Variants in D2HGDH observed in about 807,000 individuals in gnomAD.
D2HGDH encodes D-2-hydroxyglutarate dehydrogenase.
A neutral mutation model predicts 46.9 loss-of-function variants in D2HGDH; 31 were observed. That is an observed-to-expected ratio of 0.66 (90% CI 0.50 to 0.89). The LOEUF is 0.89. Among genes scored for constraint, D2HGDH ranks in the 40% least tolerant of loss-of-function variants. The pLI, the probability that D2HGDH is intolerant of heterozygous loss-of-function variation, is 0.00. For missense variants in D2HGDH, 698 were observed against 720.8 expected (o/e 0.97, Z 0.36); for synonymous variants, 364 against 332.6 (o/e 1.09, Z -1.03).
rs1179729112 is a variant in D2HGDH, at chr2:241,768,757, G to C, written c.*788G>C. 2 of 152,204 alleles carry C rather than the reference G, an allele frequency of 1.3e-5. No homozygotes were observed. Among genetic ancestry groups the C allele is most frequent in the Non-Finnish European group, 2.9e-5 (2 of 68,048 alleles). 9.4% of individuals were successfully genotyped at this position (152,204 alleles called of 1,614,324 possible). ...AGCGGATGGGCTGGGCGATGCAGCTGGATGCACATCTCATTCTGTCATGAA... is the reference window on the plus strand; with the variant it reads ...AGCGGATGGGCTGGGCGATGCAGCTCGATGCACATCTCATTCTGTCATGAA... On this transcript the variant is annotated 3_prime_UTR_variant, in exon 10 of 10. Transcript: ENST00000321264.
At chr2:241,763,363 T>C (rs1448987791) in intron 9 of D2HGDH, among the ~76,000 whole-genome samples, 5 of 152,212 alleles carry the variant, frequency 3.3e-5, no homozygotes, top group Non-Finnish European at 7.3e-5. Flanking sequence ...ATGCTGAGTA[T>C]GTGCCTGAAC....
rs570774502 is a variant in D2HGDH, at chr2:241,763,115, C to T, written c.1307-4595C>T. Among the ~76,000 whole-genome samples the T allele has an allele frequency of 4.2e-4, 64 of 152,314 alleles. No homozygotes were observed. The South Asian group carries it at 0.012, about 30-fold the overall frequency. On this transcript the variant is annotated intron_variant, in intron 9 of 9. Coordinates refer to ENST00000321264, the MANE Select transcript of D2HGDH (RefSeq NM_152783.5). ...TCTCAGCCTTTGGGACCCGAGGCAG[C>T]GTGAGTTCCGGGTGCAGGCCGCCGT...
Position 241,743,770 on chromosome 2 carries a change from T to C in D2HGDH, c.639T>C (p.Phe213=), listed in dbSNP as rs1290997803. ...NVATNAGGLR[F]LRYGSLHGTV... is the part of the protein sequence containing the mutation. ...CAACCAACGCTGGAGGCCTGCGGTT[T>C]CTTCGATATGGCTCACTGCATGGGA... is the stretch of plus-strand genomic sequence containing the variant. Residue 213 remains phenylalanine, a synonymous_variant, in exon 5 of 10, where the codon TTT becomes TTC. Transcript: ENST00000321264. This position sits in a 1 kb window ranked among gnomAD's most constrained non-coding sequence, Gnocchi z 4.8. 1 of 1,610,398 alleles carries C rather than the reference T, an allele frequency of 6.2e-7. No individual in the cohort carries two copies. The highest frequency in any genetic ancestry group is 8.5e-7 in the Non-Finnish European group (1 of 1,178,592).
intron 9 of D2HGDH, among the ~76,000 whole-genome samples, chr2:241,757,305 G>A (rs1698281105): frequency 6.6e-6 from 1 of 152,148 alleles, no homozygotes; most frequent in South Asian, 2.1e-4. Context: ...TGATAGGAAG[G>A]CAGGACTCCT....
intron 6 of D2HGDH, chr2:241,749,178 C>T (rs950382793): frequency 1.8e-5 from 15 of 850,108 alleles, no homozygotes; most frequent in South Asian, 5.5e-5. Context: ...CAGTCCCCAC[C>T]GCCAGACCCT....
chr2:241,749,565 G>A, intron 6 of D2HGDH: 1 of 347,718 alleles, frequency 2.9e-6, no homozygotes, highest in East Asian at 8.2e-5. Flanking sequence ...TGTTGGATGA[G>A]GTCCTGAGTG....
At position 241,745,467 on chromosome 2, in the gene D2HGDH, A is replaced by T. The variant is rs1401274665; in HGVS notation, c.853+590A>T. The stretch of plus-strand genomic sequence containing the variant: ...GAGTTCAGAAGTCGCACAGCCCGGC[A>T]GTCTTCGCGCGGGAGGTGGCGGGTC... On this transcript the variant is annotated intron_variant, in intron 6 of 9. Coordinates refer to ENST00000321264, the MANE Select transcript of D2HGDH (RefSeq NM_152783.5). Among the ~76,000 whole-genome samples the T allele has an allele frequency of 2.0e-5, 3 of 152,190 alleles. No homozygotes were observed. The East Asian group carries it at 5.8e-4, about 29-fold the overall frequency.
At chr2:241,737,699 TGA>T (rs1693311860) in intron 2 of D2HGDH, among the ~76,000 whole-genome samples, 1 of 152,176 alleles carries the variant, frequency 6.6e-6, no homozygotes, top group Admixed American at 6.5e-5. Flanking sequence ...AAGACCAGCC[TGA>T]GCAACATGGT....
At chr2:241,765,137 T>A (rs1263053936) in intron 9 of D2HGDH, among the ~76,000 whole-genome samples, 2 of 152,188 alleles carry the variant, frequency 1.3e-5, no homozygotes, top group African/African-American at 4.8e-5. Context: ...TGGGCGCCAC[T>A]GCGGACCCCT....
In D2HGDH at chr2:241,744,700, T is replaced by C. The variant is rs4234097; in HGVS notation, c.685-9T>C. The C allele has an allele frequency of 0.47, 756,508 of 1,613,924 alleles. 182,790 individuals are homozygous for C. Among genetic ancestry groups the C allele is most frequent in the African/African-American group, 0.8 (59,710 of 74,984 alleles). ...GCAGGTGGGTGAACGTGCTTCTCTT[T>C]GCCCCAAGGTGCTGGCCGACGGCAC... On this transcript the variant is annotated splice_polypyrimidine_tract_variant and intron_variant, in intron 5 of 9. Transcript: ENST00000321264.
chr2:241,738,776 G>T (rs546459693), intron 2 of D2HGDH, among the ~76,000 whole-genome samples: 3 of 152,364 alleles, frequency 2.0e-5, no homozygotes, highest in African/African-American at 7.2e-5. Flanking sequence ...GCGTCCTGCT[G>T]CCCCGAGTTT....
At chr2:241,748,560 A>G (rs1054827225) in intron 6 of D2HGDH, among the ~76,000 whole-genome samples, 1 of 152,160 alleles carries the variant, frequency 6.6e-6, no homozygotes, top group African/African-American at 2.4e-5. Context: ...TGCCCGCTTC[A>G]CTGGTGCCCC....
At position 241,743,310 on chromosome 2, in the gene D2HGDH, C is replaced by A. The variant is rs1359306369; in HGVS notation, c.491-312C>A. Among the ~76,000 whole-genome samples the A allele has an allele frequency of 6.6e-6, 1 of 152,252 alleles. No homozygotes were observed. Among genetic ancestry groups the A allele is most frequent in the African/African-American group, 2.4e-5 (1 of 41,464 alleles). Reference sequence around the variant, plus strand: ...CAGGCATTGTCCCACATGCCCAGGGCAGGATCAGCCCCAGCTGAGAATCTT... The same window carrying A: ...CAGGCATTGTCCCACATGCCCAGGGAAGGATCAGCCCCAGCTGAGAATCTT... On this transcript the variant is annotated intron_variant, in intron 4 of 9. Transcript: ENST00000321264. This position sits in a 1 kb window ranked among gnomAD's most constrained non-coding sequence, Gnocchi z 4.8.
chr2:241,751,008 T>G (rs1697090162), intron 7 of D2HGDH, among the ~76,000 whole-genome samples: 1 of 152,196 alleles, frequency 6.6e-6, no homozygotes, highest in South Asian at 2.1e-4. Context: ...TCCACCCACC[T>G]CAGCCTCCCA....
In D2HGDH at chr2:241,735,443, C is replaced by G. The variant is rs768117897; in HGVS notation, c.219C>G (p.Ile73Met). 3 of 1,609,700 alleles carry G rather than the reference C, an allele frequency of 1.9e-6. No homozygotes were observed. The highest frequency in any genetic ancestry group is 1.1e-5 in the South Asian group (1 of 90,918). Reference sequence around the variant, plus strand: ...AGGACCTGGCCGCCTTTGAGCGCATCGTGCCCGGCGGGGTCGTCACGGACC... The same window carrying G: ...AGGACCTGGCCGCCTTTGAGCGCATGGTGCCCGGCGGGGTCGTCACGGACC... ...SKQDLAAFER[I>M]VPGGVVTDPE... The change falls in exon 2 of 10, where the codon ATC (isoleucine) becomes ATG (methionine). Residue 73 changes from isoleucine to methionine, a missense_variant. By Grantham distance (10) the Ile-to-Met change is conservative (BLOSUM62 1). Transcript: ENST00000321264.
chr2:241,759,280 T>C (rs1391175546), intron 9 of D2HGDH, among the ~76,000 whole-genome samples: 1 of 152,184 alleles, frequency 6.6e-6, no homozygotes, highest in East Asian at 1.9e-4. Flanking sequence ...GTGTTAGAAA[T>C]CTGCTGACAA....
intron 3 of D2HGDH, among the ~76,000 whole-genome samples, chr2:241,741,350 A>G (rs889476062): frequency 7.2e-5 from 11 of 152,156 alleles, no homozygotes; most frequent in African/African-American, 2.7e-4. Context: ...CCATGAACAC[A>G]CTACAGGGTG....
intron 9 of D2HGDH, among the ~76,000 whole-genome samples, chr2:241,757,766 C>T (rs185048891): frequency 3.9e-4 from 60 of 152,044 alleles, no homozygotes; most frequent in Admixed American, 1.5e-3. Context: ...GACACCAGCC[C>T]GGCCAACATG....
In D2HGDH at chr2:241,759,978, G is replaced by A. The variant is rs149381684; in HGVS notation, c.1306+3964G>A. Among the ~76,000 whole-genome samples, 419 of 152,360 alleles carry A rather than the reference G, an allele frequency of 2.8e-3. 18 individuals are homozygous for A. The East Asian group carries it at 0.064, about 23-fold the overall frequency. On this transcript the variant is annotated intron_variant, in intron 9 of 9. Transcript: ENST00000321264. ...GTGATTAACATTTAAATCAGTAGACGTTGAGTACAGGAGATCTCCCACCAC... is the reference window on the plus strand; with the variant it reads ...GTGATTAACATTTAAATCAGTAGACATTGAGTACAGGAGATCTCCCACCAC...
Sources: allele counts gnomAD v4.1 joint callset (sites outside exome capture counted in the v4.1 genomes callset), GRCh38; gene constraint gnomAD v4.1.1; non-coding constraint Gnocchi (gnomAD v3.1); transcripts MANE v1.5; gene names NCBI Gene and HGNC (gene_info 2026-07-23, HGNC 2026-07-21).